CD109: variants seen among roughly 807,000 people sequenced by gnomAD.
The protein encoded by CD109 is CD109 molecule.
A neutral mutation model predicts 165.8 loss-of-function variants in CD109; 149 were observed. That is an observed-to-expected ratio of 0.90 (90% CI 0.79 to 1.03). The LOEUF (loss-of-function observed/expected upper bound fraction) is 1.03, where lower values mean the gene tolerates loss of function less well. Among genes scored for constraint, CD109 ranks in the 50% least tolerant of loss-of-function variants. CD109 has a pLI of 0.00. For missense variants in CD109, 1,712 were observed against 1,677.8 expected (o/e 1.02, Z -0.36); for synonymous variants, 585 against 592.1 (o/e 0.99, Z 0.18).
In CD109 at chr6:73,787,392, C is replaced by T. The variant is rs184611620; in HGVS notation, c.2496C>T (p.Ile832=). The change falls in exon 21 of 33, where the codon ATC becomes ATT. Residue 832 remains isoleucine, a synonymous_variant. Transcript: ENST00000287097. ...CAACACATCTGGGAGAAATTCCTAT[C>T]ACAGTCACAGCTCTTTCACCCACTG... ...IRPTHLGEIP[I]TVTALSPTAS... is the part of the protein sequence containing the mutation. 3 of 1,613,964 alleles carry T rather than the reference C, an allele frequency of 1.9e-6. No homozygotes were observed. The highest frequency in any genetic ancestry group is 1.1e-5 in the South Asian group (1 of 91,084).
the CD109 span, among the ~76,000 whole-genome samples, chr6:73,688,774 T>A: frequency 7.4e-6 from 1 of 135,480 alleles, no homozygotes; most frequent in Non-Finnish European, 1.6e-5. Flanking sequence ...TTTTTTTTTT[T>A]TTTTTTTTTT....
At chr6:73,787,120 C>G in intron 20 of CD109, 114 bp from the exon 21 acceptor site, 1 of 652,830 alleles carries the variant, frequency 1.5e-6, no homozygotes, top group Non-Finnish European at 2.6e-6. Context: ...TTTGTCTCAT[C>G]TTTTCGCTAG....
intron 24 of CD109, among the ~76,000 whole-genome samples, chr6:73,805,507 C>T (rs1161319917): frequency 6.6e-6 from 1 of 152,178 alleles, no homozygotes; most frequent in South Asian, 2.1e-4. Flanking sequence ...AGATGCCTTC[C>T]TCTTATCTCA....
intron 10 of CD109, among the ~76,000 whole-genome samples, chr6:73,765,466 G>A (rs1045284786): frequency 6.6e-6 from 1 of 152,142 alleles, no homozygotes; most frequent in Non-Finnish European, 1.5e-5. Context: ...AGGTGTCCAG[G>A]ATATCCAAGT....
chr6:73,696,071 C>T (rs1770813409), upstream of CD109: 2 of 718,848 alleles, frequency 2.8e-6, no homozygotes, highest in East Asian at 3.1e-5. Context: ...TTAGATCTCT[C>T]ACTCTGCTGT....
At chr6:73,797,271 A>G (rs1262061612) in intron 23 of CD109, among the ~76,000 whole-genome samples, 1 of 152,224 alleles carries the variant, frequency 6.6e-6, no homozygotes, top group East Asian at 1.9e-4. Context: ...ACTGTTTTTG[A>G]TAAGGACTGG....
At chr6:73,679,315 C>T in the CD109 span, among the ~76,000 whole-genome samples, 1 of 151,918 alleles carries the variant, frequency 6.6e-6, no homozygotes, top group East Asian at 1.9e-4. Context: ...AGAACTGAGT[C>T]TAACAAAGTA....
intron 31 of CD109, 58 bp downstream of exon 31, chr6:73,818,593 G>A: frequency 6.7e-7 from 1 of 1,491,922 alleles, no homozygotes; most frequent in Non-Finnish European, 9.2e-7. Flanking sequence ...GTATTCAGGT[G>A]TCTACCTTAC....
At chr6:73,742,421 TA>T (rs1281572882) in intron 5 of CD109, among the ~76,000 whole-genome samples, 1 of 152,378 alleles carries the variant, frequency 6.6e-6, no homozygotes, top group East Asian at 1.9e-4. Flanking sequence ...ATCTATGATT[TA>T]AAAATTATAT....
chr6:73,709,716 A>G (rs1771450789), intron 2 of CD109, among the ~76,000 whole-genome samples: 1 of 152,192 alleles, frequency 6.6e-6, no homozygotes, highest in Non-Finnish European at 1.5e-5. Context: ...AACCAAATCC[A>G]GCAGCACATC....
In CD109 at chr6:73,823,808, A is replaced by C. The variant is rs2150315602; in HGVS notation, c.*175A>C. 1 of 466,570 alleles carries C rather than the reference A, an allele frequency of 2.1e-6. No homozygotes were observed. Among genetic ancestry groups the C allele is most frequent in the Admixed American group, 3.5e-5 (1 of 28,396 alleles). The allele number at this position is 466,570 out of a possible 1,614,324, so 28.9% of individuals were successfully genotyped here. The stretch of plus-strand genomic sequence containing the variant: ...CATGTATAGCTGCATAGATTTCTTC[A>C]CCTGATCTTTGTGTGGAAGATCAGA... On this transcript the variant is annotated 3_prime_UTR_variant, in exon 33 of 33. Coordinates refer to ENST00000287097, the MANE Select transcript of CD109 (RefSeq NM_133493.5).
At chr6:73,766,176 T>A (rs1160280494) in intron 11 of CD109, 22 bp downstream of exon 11, 1 of 1,567,486 alleles carries the variant, frequency 6.4e-7, no homozygotes, top group Non-Finnish European at 8.8e-7. Context: ...TTCCCATCAT[T>A]GTGTCACTGC....
chr6:73,717,052 T>A (rs2173854), intron 2 of CD109, among the ~76,000 whole-genome samples: 50,027 of 152,116 alleles, frequency 0.33, 9,814 homozygotes, highest in Non-Finnish European at 0.45. Context: ...CCTCAATATA[T>A]GTTCTTGGCA....
upstream of CD109, among the ~76,000 whole-genome samples, chr6:73,692,827 T>C (rs1770712352): frequency 6.6e-6 from 1 of 152,200 alleles, no homozygotes; most frequent in Non-Finnish European, 1.5e-5. Flanking sequence ...CCTGCCACCA[T>C]GTAAGACTTG....
Position 73,820,447 on chromosome 6 carries a change from T to C in CD109, c.4060-14T>C, listed in dbSNP as rs1488019669. 6.7e-7 allele frequency: 1 copy of C among 1,493,410 alleles called. No homozygotes were observed. Among genetic ancestry groups the C allele is most frequent in the East Asian group, 2.3e-5 (1 of 44,200 alleles). The allele number at this position is 1,493,410 out of a possible 1,614,324, so 92.5% of individuals were successfully genotyped here. ...AGTGTGCCAACCCCTTAAGACTCTT[T>C]TGTATTTCTCAAGGTAAATGAAACC... On this transcript the variant is annotated splice_polypyrimidine_tract_variant and intron_variant, in intron 31 of 32. Transcript: ENST00000287097.
chr6:73,702,410 T>C (rs911416241), intron 2 of CD109, among the ~76,000 whole-genome samples: 3 of 152,204 alleles, frequency 2.0e-5, no homozygotes, highest in African/African-American at 7.2e-5. Flanking sequence ...CCATGGTCTT[T>C]ATGAAAGTAG....
intron 15 of CD109, among the ~76,000 whole-genome samples, chr6:73,776,811 C>T (rs1171235590): frequency 6.6e-6 from 1 of 151,946 alleles, no homozygotes; most frequent in Non-Finnish European, 1.5e-5. Flanking sequence ...CCTGCTTTGG[C>T]CTCCCAAAGT....
At chr6:73,683,543 G>A in the CD109 span, among the ~76,000 whole-genome samples, 23 of 152,232 alleles carry the variant, frequency 1.5e-4, no homozygotes, top group African/African-American at 5.3e-4. Context: ...CCTCCAAACT[G>A]TTCTGACCTC....
Position 73,785,344 on chromosome 6 carries a change from A to G in CD109, c.2224-20A>G. ...AATTTTGACCTGAATAAAAATATGTACTCGTTGTGTTCTTTCCAGCTCCAA... is the reference window on the plus strand; with the variant it reads ...AATTTTGACCTGAATAAAAATATGTGCTCGTTGTGTTCTTTCCAGCTCCAA... On this transcript the variant is annotated intron_variant, in intron 19 of 32. Coordinates refer to ENST00000287097, the MANE Select transcript of CD109 (RefSeq NM_133493.5). 1 of 1,310,698 alleles carries G rather than the reference A, an allele frequency of 7.6e-7. No homozygotes were observed. Among genetic ancestry groups the G allele is most frequent in the South Asian group, 1.2e-5 (1 of 81,430 alleles). The allele number at this position is 1,310,698 out of a possible 1,614,324, so 81.2% of individuals were successfully genotyped here. A position where few individuals can be genotyped will look rare whatever the true frequency, so the allele number is the denominator to read the frequency against.
Sources: allele counts gnomAD v4.1 joint callset (sites outside exome capture counted in the v4.1 genomes callset), GRCh38; gene constraint gnomAD v4.1.1; transcripts MANE v1.5; gene names NCBI Gene and HGNC (gene_info 2026-07-23, HGNC 2026-07-21).